SKAP2: variants seen among roughly 807,000 people sequenced by gnomAD.
SKAP2 encodes the protein src kinase associated phosphoprotein 2.
A neutral mutation model predicts 54.9 loss-of-function variants in SKAP2; 28 were observed. The observed-to-expected ratio is 0.51, with a 90% CI of 0.38 to 0.70. The LOEUF (loss-of-function observed/expected upper bound fraction) is 0.70. SKAP2 is among the 30% of genes least tolerant of loss of function. The pLI is 0.00. For missense variants in SKAP2, 356 were observed against 424.1 expected (o/e 0.84, Z 1.41); for synonymous variants, 137 against 134.3 (o/e 1.02, Z -0.14).
intron 3 of SKAP2, among the ~76,000 whole-genome samples, chr7:26,845,302 TA>T (rs765262253): frequency 3.7e-4 from 56 of 152,328 alleles, no homozygotes; most frequent in Non-Finnish European, 5.4e-4. Flanking sequence ...ACATTTTTGG[TA>T]GAGAAAATAG....
chr7:26,681,839 T>C (rs1786509084), intron 11 of SKAP2, among the ~76,000 whole-genome samples: 1 of 152,222 alleles, frequency 6.6e-6, no homozygotes, highest in African/African-American at 2.4e-5. Flanking sequence ...CTATATTTAA[T>C]TCAGAATGAT....
intron 4 of SKAP2, among the ~76,000 whole-genome samples, chr7:26,787,691 A>C (rs1783582517): frequency 6.6e-6 from 1 of 152,034 alleles, no homozygotes; most frequent in Non-Finnish European, 1.5e-5. Context: ...GCAGAGCAGG[A>C]GCAAGAGGGA....
intron 9 of SKAP2, among the ~76,000 whole-genome samples, chr7:26,723,428 T>A (rs954749548): frequency 2.0e-5 from 3 of 152,078 alleles, no homozygotes; most frequent in Non-Finnish European, 4.4e-5. Context: ...GCAGAGCAAC[T>A]GGGGATCCCA....
At chr7:26,822,340 C>A (rs7785918) in intron 4 of SKAP2, among the ~76,000 whole-genome samples, 1 of 151,966 alleles carries the variant, frequency 6.6e-6, no homozygotes, top group Admixed American at 6.5e-5. Context: ...GTAATTCTTA[C>A]AATATTTCAA....
At position 26,751,438 on chromosome 7, in the gene SKAP2, C is replaced by T. The variant is rs771204382; in HGVS notation, c.308-11474G>A. On this transcript the variant is annotated intron_variant, in intron 4 of 12. Transcript: ENST00000345317. ...TTACTAAATTGAGCTTGATTACTAA[C>T]GCAAATACGTTCCCAAACATTCTTA... is the stretch of plus-strand genomic sequence containing the variant. Among the ~76,000 whole-genome samples the T allele has an allele frequency of 3.4e-4, 52 of 152,258 alleles. 1 individual carries two copies. Among genetic ancestry groups the T allele is most frequent in the Admixed American group, 7.9e-4 (12 of 15,284 alleles).
chr7:26,859,522 G>A (rs1006191974), intron 1 of SKAP2, among the ~76,000 whole-genome samples: 18 of 152,174 alleles, frequency 1.2e-4, no homozygotes, highest in Non-Finnish European at 1.5e-5. Context: ...GACATGAACT[G>A]GCACAAGAGC....
chr7:26,755,833 G>C (rs115943585), intron 4 of SKAP2, among the ~76,000 whole-genome samples: 1 of 152,282 alleles, frequency 6.6e-6, no homozygotes, highest in Non-Finnish European at 1.5e-5. Context: ...AGAGATACTC[G>C]CATCTCCACT....
At chr7:26,814,315 T>C (rs3823934) in intron 4 of SKAP2, among the ~76,000 whole-genome samples, 26,252 of 152,100 alleles carry the variant, frequency 0.17, 2,829 homozygotes, top group Non-Finnish European at 0.24. Context: ...ATGTTAACTA[T>C]TCCAGTTGGC....
intron 11 of SKAP2, among the ~76,000 whole-genome samples, chr7:26,676,848 T>C (rs180835686): frequency 6.6e-6 from 1 of 152,234 alleles, no homozygotes; most frequent in East Asian, 1.9e-4. Context: ...AGACTTTACA[T>C]AGAAAGTGAC....
At chr7:26,676,870 G>A (rs1786360342) in intron 11 of SKAP2, among the ~76,000 whole-genome samples, 1 of 152,212 alleles carries the variant, frequency 6.6e-6, no homozygotes, top group Non-Finnish European at 1.5e-5. Flanking sequence ...GCTGGGCTGA[G>A]ACTCCAGAAG....
downstream of SKAP2, among the ~76,000 whole-genome samples, chr7:26,666,623 A>C: frequency 6.6e-6 from 1 of 152,158 alleles, no homozygotes; most frequent in East Asian, 1.9e-4. Flanking sequence ...TTTCACCTAC[A>C]CATGGTTGAA....
At chr7:26,857,745 T>C (rs903037775) in intron 1 of SKAP2, 10 of 984,960 alleles carry the variant, frequency 1.0e-5, no homozygotes, top group Middle Eastern at 5.2e-4. Context: ...TGTGGCTTTG[T>C]AGCTCAGAGC....
At chr7:26,838,911 TA>T (rs1440717448) in intron 4 of SKAP2, among the ~76,000 whole-genome samples, 1 of 152,218 alleles carries the variant, frequency 6.6e-6, no homozygotes, top group African/African-American at 2.4e-5. Flanking sequence ...ACATTTTTCT[TA>T]AAAATAGGAA....
intron 4 of SKAP2, among the ~76,000 whole-genome samples, chr7:26,831,842 A>G (rs982248019): frequency 6.6e-6 from 1 of 152,078 alleles, no homozygotes. Flanking sequence ...TAAAATAAAT[A>G]CCTGAAGCCA....
Position 26,864,454 on chromosome 7 carries a change from G to T in SKAP2, c.-25C>A, listed in dbSNP as rs547326108. 4 of 1,588,358 alleles carry T rather than the reference G, an allele frequency of 2.5e-6. No individual in the cohort carries two copies. The East Asian group carries it at 6.8e-5, about 27-fold the overall frequency. ...TGTTAGGGAGCGCAGGGCGTGCGGG[G>T]AAAGGACCTGCGCTGAAAAGGTGAC... On this transcript the variant is annotated 5_prime_UTR_variant, in exon 1 of 13. Coordinates refer to ENST00000345317, the MANE Select transcript of SKAP2 (RefSeq NM_003930.5).
intron 3 of SKAP2, among the ~76,000 whole-genome samples, chr7:26,851,145 C>T (rs1584426694): frequency 6.6e-6 from 1 of 150,746 alleles, no homozygotes; most frequent in African/African-American, 2.4e-5. Context: ...GACAGCCAGG[C>T]AGGGTGGCTC....
chr7:26,850,240 A>G (rs1172556882), intron 3 of SKAP2, among the ~76,000 whole-genome samples: 1 of 152,196 alleles, frequency 6.6e-6, no homozygotes, highest in Admixed American at 6.5e-5. Context: ...AGGATACTTT[A>G]TAATATGAGG....
At chr7:26,793,130 G>C (rs1783704066) in intron 4 of SKAP2, among the ~76,000 whole-genome samples, 1 of 152,176 alleles carries the variant, frequency 6.6e-6, no homozygotes, top group Non-Finnish European at 1.5e-5. Flanking sequence ...CCTACCTGCT[G>C]TTTCTAGGCT....
intron 4 of SKAP2, among the ~76,000 whole-genome samples, chr7:26,754,543 A>G (rs1175512556): frequency 6.6e-6 from 1 of 152,250 alleles, no homozygotes; most frequent in African/African-American, 2.4e-5. Context: ...CCAATCGTAC[A>G]TGGTCTCTTT....
Sources: allele counts gnomAD v4.1 joint callset (sites outside exome capture counted in the v4.1 genomes callset), GRCh38; gene constraint gnomAD v4.1.1; transcripts MANE v1.5; gene names NCBI Gene and HGNC (gene_info 2026-07-23, HGNC 2026-07-21).